The following NXPE2 variants were observed in gnomAD, a reference collection of about 807,000 sequenced individuals.
NXPE2 encodes the protein neurexophilin and PC-esterase domain family member 2, also known as NXPE family member 2.
NXPE2 carries 34 observed loss-of-function variants against 34.4 expected under a neutral mutation model. The ratio of observed to expected loss-of-function variants is 0.99; its 90% CI spans 0.75 to 1.31. The LOEUF is 1.31. Among genes scored for constraint, NXPE2 ranks in the 40% most tolerant of loss-of-function variants. The probability of loss-of-function intolerance (pLI) is 0.00; values close to 1 mark genes in which losing one functional copy is unlikely to be tolerated. For synonymous variants in NXPE2, 235 were observed against 231.3 expected (o/e 1.02, Z -0.15); for missense variants, 649 against 672.5 (o/e 0.97, Z 0.39).
the NXPE2 span, among the ~76,000 whole-genome samples, chr11:114,579,612 G>C: frequency 3.9e-5 from 6 of 152,158 alleles, no homozygotes; most frequent in East Asian, 1.2e-3. Context: ...AGTTATGTAA[G>C]AAACAATATT....
At chr11:114,773,733 G>A in the NXPE2 span, among the ~76,000 whole-genome samples, 1 of 152,236 alleles carries the variant, frequency 6.6e-6, no homozygotes, top group African/African-American at 2.4e-5. Context: ...CCCAGTGGGG[G>A]TGAGGATTAT....
the NXPE2 span, among the ~76,000 whole-genome samples, chr11:114,712,889 A>G: frequency 1.3e-5 from 2 of 152,246 alleles, no homozygotes. Flanking sequence ...ATGTCCATCA[A>G]CAGGTGAATA....
chr11:114,647,989 T>C, the NXPE2 span, among the ~76,000 whole-genome samples: 1 of 152,180 alleles, frequency 6.6e-6, no homozygotes, highest in Non-Finnish European at 1.5e-5. Flanking sequence ...CATGAGCCAC[T>C]GTTGCCGGCC....
the NXPE2 span, among the ~76,000 whole-genome samples, chr11:114,793,766 C>T: frequency 6.6e-6 from 1 of 152,158 alleles, no homozygotes; most frequent in African/African-American, 2.4e-5. Flanking sequence ...AGGATATATA[C>T]ATATGTGAAC....
the NXPE2 span, among the ~76,000 whole-genome samples, chr11:114,596,060 T>A: frequency 1.3e-5 from 2 of 152,198 alleles, no homozygotes; most frequent in Non-Finnish European, 2.9e-5. Context: ...TTTGAATGAT[T>A]GAGAGTAATC....
chr11:114,756,671 G>A, the NXPE2 span, among the ~76,000 whole-genome samples: 2 of 152,012 alleles, frequency 1.3e-5, no homozygotes, highest in Admixed American at 1.3e-4. Flanking sequence ...TATACAGGGA[G>A]ATAACACTAT....
chr11:114,499,954 CTT>C, the NXPE2 span, among the ~76,000 whole-genome samples: 1 of 143,760 alleles, frequency 7.0e-6, no homozygotes, highest in Non-Finnish European at 1.5e-5. Context: ...GCAGTTCATT[CTT>C]TTTTTTTTTT....
At chr11:114,635,274 T>G in the NXPE2 span, among the ~76,000 whole-genome samples, 1 of 149,956 alleles carries the variant, frequency 6.7e-6, no homozygotes, top group Non-Finnish European at 1.5e-5. Context: ...TTGTCTGTTG[T>G]TGGTGTATAA....
the NXPE2 span, among the ~76,000 whole-genome samples, chr11:114,803,335 G>T: frequency 3.3e-5 from 5 of 152,326 alleles, no homozygotes; most frequent in South Asian, 6.2e-4. Context: ...AATAGTGACA[G>T]TTGGCCTATT....
chr11:114,514,207 G>A, the NXPE2 span, among the ~76,000 whole-genome samples: 2 of 152,112 alleles, frequency 1.3e-5, no homozygotes, highest in Non-Finnish European at 2.9e-5. Context: ...TAAGATGGAT[G>A]CACAGCATTC....
the NXPE2 span, among the ~76,000 whole-genome samples, chr11:114,497,206 G>C: frequency 6.6e-6 from 1 of 152,052 alleles, no homozygotes; most frequent in Middle Eastern, 3.2e-3. Flanking sequence ...TGTAGGCCTA[G>C]AGTAATGTGT....
At chr11:114,734,617 A>G in the NXPE2 span, among the ~76,000 whole-genome samples, 3 of 152,330 alleles carry the variant, frequency 2.0e-5, no homozygotes, top group South Asian at 6.2e-4. Context: ...AAGTAATGAA[A>G]ATTAGCATGA....
chr11:114,654,361 TA>T, the NXPE2 span, among the ~76,000 whole-genome samples: 273 of 148,312 alleles, frequency 1.8e-3, no homozygotes, highest in African/African-American at 5.1e-3. Context: ...TTATTTCTTC[TA>T]AAAAAAAAAT....
the NXPE2 span, among the ~76,000 whole-genome samples, chr11:114,719,170 C>T: frequency 6.6e-5 from 10 of 152,204 alleles, no homozygotes; most frequent in South Asian, 2.1e-4. Context: ...TGTTAGATGT[C>T]GTGTAGTCAG....
the NXPE2 span, among the ~76,000 whole-genome samples, chr11:114,795,681 T>C: frequency 1.3e-5 from 2 of 152,228 alleles, no homozygotes; most frequent in African/African-American, 4.8e-5. Flanking sequence ...AAACCACTCT[T>C]TTCCAGTTAG....
the NXPE2 span, among the ~76,000 whole-genome samples, chr11:114,647,858 T>C: frequency 6.6e-6 from 1 of 152,142 alleles, no homozygotes; most frequent in East Asian, 1.9e-4. Flanking sequence ...CCTGCCACTG[T>C]GCATGGCTAA....
the NXPE2 span, among the ~76,000 whole-genome samples, chr11:114,791,513 C>T: frequency 2.6e-5 from 4 of 152,136 alleles, no homozygotes; most frequent in Non-Finnish European, 4.4e-5. Context: ...GGCAGAATAG[C>T]AGGTCATGCC....
chr11:114,526,462 G>T, the NXPE2 span: 1 of 66,294 alleles, frequency 1.5e-5, no homozygotes, highest in South Asian at 4.5e-4. Context: ...TGCAGATCAT[G>T]CTTTTGTTAA....
chr11:114,802,421 C>T, the NXPE2 span, among the ~76,000 whole-genome samples: 1 of 152,206 alleles, frequency 6.6e-6, no homozygotes, highest in Non-Finnish European at 1.5e-5. Flanking sequence ...AAATATCCTA[C>T]AGAAGATCAC....
Sources: gnomAD v4.1 joint callset for allele counts (sites outside exome capture counted in the v4.1 genomes callset) on GRCh38, gnomAD v4.1.1 for gene constraint, MANE v1.5 for transcripts, NCBI Gene and HGNC (gene_info 2026-07-23, HGNC 2026-07-21) for gene names.